The following MPPED2 variants were observed in gnomAD, a reference collection of about 807,000 sequenced individuals.
MPPED2 encodes metallophosphoesterase domain containing 2, also known as metallophosphoesterase MPPED2.
A neutral mutation model predicts 33.0 loss-of-function variants in MPPED2; 5 were observed. The observed-to-expected ratio is 0.15, with a 90% confidence interval of 0.08 to 0.32. The LOEUF is 0.32. Ranked by LOEUF, MPPED2 falls within the 10% of genes least tolerant of loss-of-function variation. The pLI, the probability that MPPED2 is intolerant of heterozygous loss-of-function variation, is 1.00. For synonymous variants in MPPED2, 136 were observed against 141.9 expected, an observed-to-expected ratio of 0.96 and a Z score of 0.29; for missense variants, 275 against 372.1, an observed-to-expected ratio of 0.74 and a Z score of 2.15.
intron 3 of MPPED2, among the ~76,000 whole-genome samples, chr11:30,509,001 C>T (rs973495196): frequency 1.3e-5 from 2 of 152,280 alleles, no homozygotes; most frequent in Middle Eastern, 3.4e-3. Flanking sequence ...TCTATATTGC[C>T]TGAGAATCAT....
intron 4 of MPPED2, among the ~76,000 whole-genome samples, chr11:30,458,232 G>A (rs1468275542): frequency 1.3e-5 from 2 of 152,160 alleles, no homozygotes; most frequent in African/African-American, 4.8e-5. Context: ...AAATAAAGAA[G>A]GAAATCATAA....
chr11:30,460,138 T>C (rs1249320116), intron 4 of MPPED2, among the ~76,000 whole-genome samples: 1 of 152,230 alleles, frequency 6.6e-6, no homozygotes, highest in Non-Finnish European at 1.5e-5. Flanking sequence ...ACCCTGCTTA[T>C]AGCATTTTCT....
intron 2 of MPPED2, among the ~76,000 whole-genome samples, chr11:30,551,384 A>G (rs1351605044): frequency 6.6e-6 from 1 of 152,210 alleles, no homozygotes; most frequent in Non-Finnish European, 1.5e-5. Flanking sequence ...GGCCTCTGTT[A>G]TAAGAGGAAT....
chr11:30,423,533 G>T (rs532459873), intron 4 of MPPED2, among the ~76,000 whole-genome samples: 1 of 151,848 alleles, frequency 6.6e-6, no homozygotes, highest in Admixed American at 6.6e-5. Flanking sequence ...TTAGCGTAAC[G>T]AGCACCTGCA....
At chr11:30,426,155 A>C (rs1948827645) in intron 4 of MPPED2, among the ~76,000 whole-genome samples, 1 of 152,090 alleles carries the variant, frequency 6.6e-6, no homozygotes, top group Non-Finnish European at 1.5e-5. Context: ...ATTTAACACT[A>C]ACTCCTCCAT....
chr11:30,536,127 C>T lies in MPPED2; in HGVS notation c.177G>A (p.Arg59=). 6.2e-7 allele frequency: 1 copy of T among 1,612,414 alleles called. No homozygotes were observed. Among genetic ancestry groups the T allele is most frequent in the Non-Finnish European group, 8.5e-7 (1 of 1,179,416 alleles). The stretch of plus-strand genomic sequence containing the variant: ...AGTGTGTGTCTGAGATGCAGACAAA[C>T]CGCGTGTGGCCCGCTGGTTTTGGAG... ...YDTPKPAGHT[R]FVCISDTHSR... Residue 59 remains arginine (R), a synonymous_variant, in exon 3 of 7, where the codon CGG becomes CGA. Transcript: ENST00000358117.
At chr11:30,575,382 A>G (rs1057463768) in intron 2 of MPPED2, among the ~76,000 whole-genome samples, 1 of 152,216 alleles carries the variant, frequency 6.6e-6, no homozygotes, top group African/African-American at 2.4e-5. Context: ...GTCATTATAT[A>G]TCATTTCATT....
At chr11:30,581,608 T>A (rs1957170546) in intron 1 of MPPED2, among the ~76,000 whole-genome samples, 1 of 152,200 alleles carries the variant, frequency 6.6e-6, no homozygotes, top group African/African-American at 2.4e-5. Context: ...CAAATAAAAA[T>A]ATTTAGAATA....
upstream of MPPED2, among the ~76,000 whole-genome samples, chr11:30,586,569 G>A (rs1212552620): frequency 6.6e-6 from 1 of 152,136 alleles, no homozygotes; most frequent in Non-Finnish European, 1.5e-5. The surrounding 1 kb of genome is among the most constrained non-coding windows in gnomAD (Gnocchi z 4.8). Flanking sequence ...GGTGCTCCCG[G>A]GTCAAGCAGG....
At chr11:30,493,311 C>G (rs1198733749) in intron 4 of MPPED2, among the ~76,000 whole-genome samples, 1 of 148,520 alleles carries the variant, frequency 6.7e-6, no homozygotes, top group Non-Finnish European at 1.5e-5. Context: ...GCGGAGCTTG[C>G]AGTGAGCGGA....
At chr11:30,569,127 C>T (rs1193453255) in intron 2 of MPPED2, among the ~76,000 whole-genome samples, 9 of 152,126 alleles carry the variant, frequency 5.9e-5, no homozygotes, top group South Asian at 2.1e-4. Context: ...TGGAGCGTGC[C>T]GACAGCCATT....
chr11:30,489,175 C>T (rs141968749), intron 4 of MPPED2, among the ~76,000 whole-genome samples: 1 of 152,028 alleles, frequency 6.6e-6, no homozygotes, highest in Non-Finnish European at 1.5e-5. Flanking sequence ...TTTTCTAATC[C>T]TCTCACTCAA....
At chr11:30,468,248 ACACACACACTCTCTCTCTCT>A (rs931059959) in intron 4 of MPPED2, among the ~76,000 whole-genome samples, 1 of 107,228 alleles carries the variant, frequency 9.3e-6, no homozygotes, top group Non-Finnish European at 2.1e-5. Context: ...ACACACACAC[ACACACACACTCTCTCTCTCT>A]CTCTCTCTCT....
intron 4 of MPPED2, among the ~76,000 whole-genome samples, chr11:30,466,118 C>T (rs1950697091): frequency 6.6e-6 from 1 of 152,164 alleles, no homozygotes; most frequent in African/African-American, 2.4e-5. Context: ...GCTCTTAAGC[C>T]TGCAAAAGAA....
intron 4 of MPPED2, among the ~76,000 whole-genome samples, chr11:30,428,376 T>C (rs1035732107): frequency 6.6e-5 from 10 of 152,288 alleles, no homozygotes; most frequent in Admixed American, 2.6e-4. Context: ...ACAGTCTACA[T>C]AAATAGGATT....
chr11:30,444,548 C>A (rs1394158966), intron 4 of MPPED2, among the ~76,000 whole-genome samples: 1 of 151,596 alleles, frequency 6.6e-6, no homozygotes, highest in Non-Finnish European at 1.5e-5. Context: ...AATAAACTCA[C>A]CTCAGGGCTG....
At chr11:30,513,750 T>C (rs935459174) in intron 3 of MPPED2, among the ~76,000 whole-genome samples, 1 of 150,758 alleles carries the variant, frequency 6.6e-6, no homozygotes, top group Non-Finnish European at 1.5e-5. Flanking sequence ...TGGTATAACA[T>C]GGACAAAAGA....
At chr11:30,456,968 C>T (rs569654526) in intron 4 of MPPED2, among the ~76,000 whole-genome samples, 5 of 152,208 alleles carry the variant, frequency 3.3e-5, no homozygotes, top group South Asian at 4.2e-4. Flanking sequence ...AAAAGTGATC[C>T]GTATTCCTGT....
Position 30,583,134 on chromosome 11 carries a change from C to CTTTTT in MPPED2, c.-121-2645_-121-2641dup, listed in dbSNP as rs199611856. Among the ~76,000 whole-genome samples the CTTTTT allele has an allele frequency of 1.2e-3, 112 of 96,658 alleles. 13 individuals carry two copies. Among genetic ancestry groups the CTTTTT allele is most frequent in the African/African-American group, 4.3e-3 (88 of 20,676 alleles). 63.4% of individuals were successfully genotyped at this position (96,658 alleles called of 152,430 possible). On this transcript the variant is annotated intron_variant, in intron 1 of 6. Coordinates refer to ENST00000358117, the MANE Select transcript of MPPED2 (RefSeq NM_001584.3). ...CACAAACACCTGGAAAAGACTTTTTCTTTTTTTTTTTTTTTTTTTTTTTTT... is the reference window on the plus strand; with the variant it reads ...CACAAACACCTGGAAAAGACTTTTTCTTTTTTTTTTTTTTTTTTTTTTTTTTTTTT...
Sources: gnomAD v4.1 joint callset for allele counts (sites outside exome capture counted in the v4.1 genomes callset) on GRCh38, gnomAD v4.1.1 for gene constraint, Gnocchi (gnomAD v3.1) non-coding constraint, MANE v1.5 for transcripts, NCBI Gene and HGNC (gene_info 2026-07-23, HGNC 2026-07-21) for gene names.